The following CACNA1I variants were observed in gnomAD, a reference collection of about 807,000 sequenced individuals.
The protein encoded by CACNA1I is calcium voltage-gated channel subunit alpha1 I.
CACNA1I carries 74 observed loss-of-function variants against 201.6 expected under a neutral mutation model. The observed-to-expected ratio is 0.37, with a 90% confidence interval of 0.30 to 0.45. The LOEUF is 0.45. Ranked by LOEUF, CACNA1I falls within the 20% of genes least tolerant of loss-of-function variation. The pLI, the probability that CACNA1I is intolerant of heterozygous loss-of-function variation, is 1.00. For synonymous variants in CACNA1I, 1,431 were observed against 1,345.2 expected (o/e 1.06, Z -1.40); for missense variants, 2,346 against 3,138.1 (o/e 0.75, Z 6.03).
At chr22:39,609,084 G>GCCT (rs3838160) in intron 3 of CACNA1I, among the ~76,000 whole-genome samples, 139,623 of 152,086 alleles carry the variant, frequency 0.92, 64,285 homozygotes, top group Middle Eastern at 0.96. Flanking sequence ...ATTCTCTGAT[G>GCCT]CCTCCAGGAG....
rs1186918382 is a variant in CACNA1I at position 39,685,969 on chromosome 22, G to GGCTGCGGGC, written c.6239_6247dup (p.Leu2080_Ala2082dup). The GGCTGCGGGC allele has an allele frequency of 9.5e-6, 12 of 1,257,326 alleles. No individual in the cohort carries two copies. In the South Asian group the frequency reaches 3.0e-4, roughly 32 times the overall value. The allele number at this position is 1,257,326 out of a possible 1,614,324, so 77.9% of individuals were successfully genotyped here. A position where few individuals can be genotyped will look rare whatever the true frequency, so the allele number is the denominator to read the frequency against. Reference sequence around the variant, plus strand: ...GGCCGGGGCCTCTTCAGCCTGCGGGGGCTGCGGGCGCATCAGCGCAGCCAC... The same window carrying GGCTGCGGGC: ...GGCCGGGGCCTCTTCAGCCTGCGGGGGCTGCGGGCGCTGCGGGCGCATCAGCGCAGCCAC... On this transcript the variant is annotated inframe_insertion, in exon 37 of 37. Coordinates refer to ENST00000402142, the MANE Select transcript of CACNA1I (RefSeq NM_021096.4). The surrounding 1 kb of genome is among the most constrained non-coding windows in gnomAD (Gnocchi z 5.0).
chr22:39,646,990 C>T, intron 8 of CACNA1I, 109 bp downstream of exon 8: 1 of 1,413,824 alleles, frequency 7.1e-7, no homozygotes, highest in East Asian at 2.5e-5. Context: ...GTCTTCACTT[C>T]ATGCTCAAGT....
chr22:39,624,378 C>A (rs940902723), intron 4 of CACNA1I, among the ~76,000 whole-genome samples: 7 of 152,120 alleles, frequency 4.6e-5, no homozygotes, highest in Non-Finnish European at 1.0e-4. Flanking sequence ...TGCCCAACAT[C>A]CCCCTGCGCT....
intron 1 of CACNA1I, among the ~76,000 whole-genome samples, chr22:39,571,450 C>A (rs958956342): frequency 4.6e-5 from 7 of 152,166 alleles, no homozygotes; most frequent in African/African-American, 1.7e-4. Flanking sequence ...AGCCTCTTCC[C>A]AGGCCTCCTG....
rs1935515549 is a variant in CACNA1I at position 39,676,456 on chromosome 22, G to T, written c.4855-885G>T. Among the ~76,000 whole-genome samples, 1 of 152,188 alleles carries T rather than the reference G, an allele frequency of 6.6e-6. No individual in the cohort carries two copies. The highest frequency in any genetic ancestry group is 2.4e-5 in the African/African-American group (1 of 41,434). On this transcript the variant is annotated intron_variant, in intron 29 of 36. Transcript: ENST00000402142. The surrounding 1 kb of genome is among the most constrained non-coding windows in gnomAD (Gnocchi z 4.8). ...GTGAACGTTTTCTGAGGGTTCTAAG[G>T]CCTTCTGAGGGTTCTAAGAGATATT...
Position 39,687,937 on chromosome 22 carries a change from G to A in CACNA1I, c.*1532G>A, listed in dbSNP as rs1313166361. On this transcript the variant is annotated 3_prime_UTR_variant, in exon 37 of 37. Coordinates refer to ENST00000402142, the MANE Select transcript of CACNA1I (RefSeq NM_021096.4). ...CAGGGGCCACGAGTTTGCAGATGCTGTACTTCAGCAATAACCTTGCCTTTG... is the reference window on the plus strand; with the variant it reads ...CAGGGGCCACGAGTTTGCAGATGCTATACTTCAGCAATAACCTTGCCTTTG... 2.0e-5 allele frequency: 3 copies of A among 152,222 alleles called. No individual in the cohort carries two copies. Among genetic ancestry groups the A allele is most frequent in the Non-Finnish European group, 2.9e-5 (2 of 68,042 alleles). The allele number at this position is 152,222 out of a possible 1,614,324, so 9.4% of individuals were successfully genotyped here. A position where few individuals can be genotyped will look rare whatever the true frequency, so the allele number is the denominator to read the frequency against.
intron 10 of CACNA1I, among the ~76,000 whole-genome samples, chr22:39,651,476 C>T (rs535583886): frequency 6.6e-6 from 1 of 152,176 alleles, no homozygotes; most frequent in Non-Finnish European, 1.5e-5. Context: ...CGAGAGGGCT[C>T]TCTGCAGGGG....
rs1935837502 is a variant in CACNA1I at position 39,685,614 on chromosome 22, T to C, written c.6028-147T>C. ...GGCCCTGCGGTGACGCCGCCTAAGC[T>C]GGACGTGCGGAGGGGAGAAGCCCTG... On this transcript the variant is annotated intron_variant, in intron 36 of 36. Transcript: ENST00000402142. The surrounding 1 kb of genome is among the most constrained non-coding windows in gnomAD (Gnocchi z 5.0). 3.1e-6 allele frequency: 2 copies of C among 652,192 alleles called. No individual in the cohort carries two copies. Among genetic ancestry groups the C allele is most frequent in the African/African-American group, 2.0e-5 (1 of 50,924 alleles). 40.4% of individuals were successfully genotyped at this position (652,192 alleles called of 1,614,324 possible).
intron 10 of CACNA1I, 33 bp from the exon 11 acceptor site, chr22:39,658,119 C>T (rs781727847): frequency 2.5e-5 from 41 of 1,610,058 alleles, no homozygotes; most frequent in Admixed American, 8.4e-5. Flanking sequence ...CTGGCCTGAC[C>T]GGGTCTCCAT....
At position 39,662,241 on chromosome 22, in the gene CACNA1I, G is replaced by A; in HGVS notation, c.3178G>A (p.Asp1060Asn). The stretch of plus-strand genomic sequence containing the variant: ...CCACCACCGCCGGACGCTGTCCCTC[G>A]ACAACAGGGACTCGGTGGACCTGGC... Reference protein sequence around the residue: ...HRHHRRTLSLDNRDSVDLAEL... With the variant: ...HRHHRRTLSLNNRDSVDLAEL... The change falls in exon 17 of 37, where the codon GAC becomes AAC. Residue 1060 changes from aspartate to asparagine, a missense_variant. Transcript: ENST00000402142. 1 of 1,528,324 alleles carries A rather than the reference G, an allele frequency of 6.5e-7. No individual in the cohort carries two copies. The allele number at this position is 1,528,324 out of a possible 1,614,324, so 94.7% of individuals were successfully genotyped here. A position where few individuals can be genotyped will look rare whatever the true frequency, so the allele number is the denominator to read the frequency against.
chr22:39,649,628 G>A lies in CACNA1I; in HGVS notation c.1695G>A (p.Ser565=), dbSNP rs769377192. 4.8e-5 allele frequency: 74 copies of A among 1,529,402 alleles called. No homozygotes were observed. Among genetic ancestry groups the A allele is most frequent in the Admixed American group, 2.0e-4 (10 of 49,184 alleles). 94.7% of individuals were successfully genotyped at this position (1,529,402 alleles called of 1,614,324 possible). Residue 565 remains serine (S), a synonymous_variant, in exon 10 of 37, where the codon TCG becomes TCA. Transcript: ENST00000402142. This position sits in a 1 kb window ranked among gnomAD's most constrained non-coding sequence, Gnocchi z 7.3. ...AGCATGAGGACGGCCGGCGGCCCTC[G>A]GGCCTGGGCAGCACCGACTCGGGCC... ...CCQHEDGRRP[S]GLGSTDSGQE...
chr22:39,604,344 C>T (rs1362233118), intron 3 of CACNA1I, among the ~76,000 whole-genome samples: 1 of 152,212 alleles, frequency 6.6e-6, no homozygotes, highest in East Asian at 1.9e-4. Flanking sequence ...TCTCTTGGTC[C>T]TCGAGATGGG....
chr22:39,626,856 G>A lies in CACNA1I; in HGVS notation c.580+7449G>A, dbSNP rs538990931. Among the ~76,000 whole-genome samples the A allele has an allele frequency of 1.5e-4, 23 of 152,332 alleles. 1 individual carries two copies. In the South Asian group the frequency reaches 4.8e-3, roughly 32 times the overall value. ...GAGATCCGCCTGATAAGTGGCTAAAGTTTATCAAGTGCTTGTGACAAGCTC... is the reference window on the plus strand; with the variant it reads ...GAGATCCGCCTGATAAGTGGCTAAAATTTATCAAGTGCTTGTGACAAGCTC... On this transcript the variant is annotated intron_variant, in intron 4 of 36. Transcript: ENST00000402142.
chr22:39,669,895 T>C, intron 24 of CACNA1I, 143 bp from the exon 25 acceptor site: 1 of 847,800 alleles, frequency 1.2e-6, no homozygotes, highest in Non-Finnish European at 2.0e-6. Flanking sequence ...TCTTACCTGC[T>C]GCCTCATTTA....
intron 11 of CACNA1I, 98 bp from the exon 12 acceptor site, chr22:39,658,833 T>C: frequency 9.8e-7 from 1 of 1,017,804 alleles, no homozygotes; most frequent in Non-Finnish European, 1.4e-6. Flanking sequence ...ATGGAAGCTC[T>C]GTCTCTCTGT....
In CACNA1I at chr22:39,665,051, A is replaced by T; in HGVS notation, c.3851+128A>T. 1.2e-6 allele frequency: 1 copy of T among 840,408 alleles called. No individual in the cohort carries two copies. Among genetic ancestry groups the T allele is most frequent in the Non-Finnish European group, 1.8e-6 (1 of 541,852 alleles). The allele number at this position is 840,408 out of a possible 1,614,324, so 52.1% of individuals were successfully genotyped here. ...GGTCCTCCAATAGTGAGTGCCAAAC[A>T]CCCTGAGCTGTTCCCGGGGGAGGGG... On this transcript the variant is annotated intron_variant, in intron 21 of 36. Transcript: ENST00000402142. This position sits in a 1 kb window ranked among gnomAD's most constrained non-coding sequence, Gnocchi z 5.5.
intron 5 of CACNA1I, among the ~76,000 whole-genome samples, chr22:39,636,220 G>A (rs1380544372): frequency 2.6e-5 from 4 of 152,218 alleles, no homozygotes; most frequent in Non-Finnish European, 5.9e-5. Flanking sequence ...CTCCTCTGTG[G>A]TCTTCCCCAG....
intron 1 of CACNA1I, among the ~76,000 whole-genome samples, chr22:39,580,016 GA>G (rs1222461003): frequency 6.6e-6 from 1 of 152,142 alleles, no homozygotes; most frequent in Non-Finnish European, 1.5e-5. Context: ...TTATCCAGGG[GA>G]GGACACTGAG....
At chr22:39,630,196 G>C (rs1175291497) in intron 4 of CACNA1I, among the ~76,000 whole-genome samples, 2 of 152,138 alleles carry the variant, frequency 1.3e-5, no homozygotes, top group South Asian at 4.2e-4. Context: ...GCCTTTCCTG[G>C]CCCCCTATTT....
Sources: gnomAD v4.1 joint callset for allele counts (sites outside exome capture counted in the v4.1 genomes callset) on GRCh38, gnomAD v4.1.1 for gene constraint, Gnocchi (gnomAD v3.1) non-coding constraint, MANE v1.5 for transcripts, NCBI Gene and HGNC (gene_info 2026-07-23, HGNC 2026-07-21) for gene names.